Variants in ENOX1 observed in about 807,000 individuals in gnomAD.
ENOX1 encodes the protein ecto-NOX disulfide-thiol exchanger 1.
A neutral mutation model predicts 82.5 loss-of-function variants in ENOX1; 42 were observed. The observed-to-expected ratio is 0.51, with a 90% CI of 0.40 to 0.66. The LOEUF (loss-of-function observed/expected upper bound fraction) is 0.66, where lower values mean the gene tolerates loss of function less well. ENOX1 is among the 30% of genes least tolerant of loss of function. ENOX1 has a pLI of 0.00. For synonymous variants in ENOX1, 271 were observed against 282.2 expected, an observed-to-expected ratio of 0.96 and a Z score of 0.40; for missense variants, 608 against 811.6, an observed-to-expected ratio of 0.75 and a Z score of 3.05.
chr13:43,769,707 A>G (rs1355871821), intron 1 of ENOX1, among the ~76,000 whole-genome samples: 1 of 152,150 alleles, frequency 6.6e-6, no homozygotes, highest in African/African-American at 2.4e-5. Flanking sequence ...ATTCCTCTCC[A>G]TCCCTTTCTC....
intron 2 of ENOX1, among the ~76,000 whole-genome samples, chr13:43,627,215 G>A (rs547987609): frequency 2.6e-4 from 40 of 152,066 alleles, no homozygotes; most frequent in Admixed American, 2.2e-3. Flanking sequence ...GTTGGTTCAT[G>A]TTTTTAATCA....
chr13:43,487,126 C>T (rs1357893220), intron 2 of ENOX1, among the ~76,000 whole-genome samples: 4 of 150,596 alleles, frequency 2.7e-5, no homozygotes, highest in African/African-American at 4.9e-5. Flanking sequence ...GGGCTGAGAT[C>T]GTGCCACTGC....
intron 5 of ENOX1, among the ~76,000 whole-genome samples, chr13:43,367,739 T>A (rs1209190448): frequency 1.7e-5 from 1 of 59,862 alleles, no homozygotes; most frequent in African/African-American, 6.8e-5. Context: ...GGGTTGAGGG[T>A]GGGGGGTGGG....
At chr13:43,616,971 A>T (rs1207172275) in intron 2 of ENOX1, among the ~76,000 whole-genome samples, 2 of 152,168 alleles carry the variant, frequency 1.3e-5, no homozygotes, top group Non-Finnish European at 2.9e-5. Flanking sequence ...AAAAAGATAA[A>T]TTCTGGTGAC....
At chr13:43,694,688 G>C (rs1005145295) in intron 1 of ENOX1, among the ~76,000 whole-genome samples, 9 of 152,156 alleles carry the variant, frequency 5.9e-5, no homozygotes, top group African/African-American at 1.9e-4. Context: ...TTAATTTATG[G>C]TTAATCTTAG....
intron 2 of ENOX1, among the ~76,000 whole-genome samples, chr13:43,578,600 C>A (rs2080551406): frequency 6.6e-6 from 1 of 152,150 alleles, no homozygotes; most frequent in Non-Finnish European, 1.5e-5. Flanking sequence ...ACAATCAAAT[C>A]CCCTTGCTTT....
At chr13:43,514,675 A>G (rs1458122902) in intron 2 of ENOX1, among the ~76,000 whole-genome samples, 1 of 152,152 alleles carries the variant, frequency 6.6e-6, no homozygotes, top group East Asian at 1.9e-4. Context: ...GGCAAAACTT[A>G]CTGCCAGTCC....
At chr13:43,362,230 CTT>C (rs77130635) in intron 5 of ENOX1, among the ~76,000 whole-genome samples, 4 of 140,190 alleles carry the variant, frequency 2.9e-5, no homozygotes, top group Admixed American at 7.1e-5. Context: ...GGTTTTCCAG[CTT>C]TTTTTTTTTT....
intron 2 of ENOX1, among the ~76,000 whole-genome samples, chr13:43,519,100 T>C (rs1323839340): frequency 6.6e-6 from 1 of 152,126 alleles, no homozygotes; most frequent in African/African-American, 2.4e-5. Context: ...ACAACAACCC[T>C]GAGCATTAGT....
chr13:43,553,575 T>C (rs990538476), intron 2 of ENOX1, among the ~76,000 whole-genome samples: 2 of 152,214 alleles, frequency 1.3e-5, no homozygotes, highest in Non-Finnish European at 2.9e-5. Flanking sequence ...TGTTAGTTCC[T>C]GCAGATAATG....
intron 3 of ENOX1, among the ~76,000 whole-genome samples, chr13:43,445,347 T>A (rs1320076238): frequency 1.3e-5 from 2 of 152,032 alleles, no homozygotes; most frequent in African/African-American, 2.4e-5. Context: ...ATGGTCTTGA[T>A]CTCCTGACCT....
At chr13:43,733,557 C>T (rs1483997086) in intron 1 of ENOX1, among the ~76,000 whole-genome samples, 5 of 152,122 alleles carry the variant, frequency 3.3e-5, no homozygotes, top group Non-Finnish European at 5.9e-5. Context: ...TTTCAATACA[C>T]CAAAAGCACT....
At chr13:43,748,902 C>T (rs1361224273) in intron 1 of ENOX1, among the ~76,000 whole-genome samples, 1 of 152,140 alleles carries the variant, frequency 6.6e-6, no homozygotes, top group African/African-American at 2.4e-5. Context: ...TAATGACAGA[C>T]TGCCTGGGTT....
At chr13:43,361,492 A>G in intron 5 of ENOX1, 40 bp from the exon 6 acceptor site, 1 of 1,561,432 alleles carries the variant, frequency 6.4e-7, no homozygotes, top group Non-Finnish European at 8.6e-7. Context: ...TGGAGATTAA[A>G]TCCATTTTTG....
chr13:43,285,810 C>CAAAAA (rs11417324), intron 12 of ENOX1, among the ~76,000 whole-genome samples: 1 of 67,446 alleles, frequency 1.5e-5, no homozygotes, highest in East Asian at 5.0e-4. Flanking sequence ...GACTCTGTCT[C>CAAAAA]AAAAAAAAAA....
chr13:43,607,118 A>G (rs961086691), intron 2 of ENOX1, among the ~76,000 whole-genome samples: 2 of 152,234 alleles, frequency 1.3e-5, no homozygotes, highest in Non-Finnish European at 2.9e-5. Context: ...TGTTCGTAAC[A>G]AAGAAATGAT....
rs566334712 is a variant in ENOX1, at chr13:43,220,839, A to G, written c.1800+3214T>C. Among the ~76,000 whole-genome samples, 17 of 152,336 alleles carry G rather than the reference A, an allele frequency of 1.1e-4. No individual in the cohort carries two copies. The South Asian group carries it at 3.5e-3, about 32-fold the overall frequency. On this transcript the variant is annotated intron_variant, in intron 16 of 16. Transcript: ENST00000690772. ...GAACCCCAGAATATGCATACTATTAAGGATCATTCAGGTGGGCAATCTCAT... is the reference window on the plus strand; with the variant it reads ...GAACCCCAGAATATGCATACTATTAGGGATCATTCAGGTGGGCAATCTCAT...
chr13:43,388,893 T>C lies in ENOX1; in HGVS notation c.208+23023A>G, dbSNP rs2052596877. On this transcript the variant is annotated intron_variant, in intron 5 of 16. Transcript: ENST00000690772. Reference sequence around the variant, plus strand: ...TGAGTCTGGAAACACTGCCTAATTATTAACTAGCAGGTGAAAAGAACAGAA... The same window carrying C: ...TGAGTCTGGAAACACTGCCTAATTACTAACTAGCAGGTGAAAAGAACAGAA... 2.0e-5 allele frequency among the ~76,000 whole-genome samples: 3 copies of C among 152,092 alleles called. 1 individual carries two copies. In the South Asian group the frequency reaches 6.2e-4, roughly 32 times the overall value.
intron 2 of ENOX1, among the ~76,000 whole-genome samples, chr13:43,500,179 A>G (rs1223130744): frequency 1.3e-5 from 2 of 152,134 alleles, no homozygotes; most frequent in Non-Finnish European, 2.9e-5. Flanking sequence ...AGGAACAGAA[A>G]GCTTATTTAA....
Sources: allele counts gnomAD v4.1 joint callset (sites outside exome capture counted in the v4.1 genomes callset), GRCh38; gene constraint gnomAD v4.1.1; transcripts MANE v1.5; gene names NCBI Gene and HGNC (gene_info 2026-07-23, HGNC 2026-07-21).